CTU2: variants seen among roughly 807,000 people sequenced by gnomAD.
CTU2 encodes the protein cytosolic thiouridylase subunit 2, also known as cytoplasmic tRNA 2-thiolation protein 2.
A neutral mutation model predicts 64.1 loss-of-function variants in CTU2; 80 were observed. The ratio of observed to expected loss-of-function variants is 1.25; its 90% confidence interval spans 1.04 to 1.50. CTU2 has a LOEUF of 1.50. Ranked by LOEUF, CTU2 falls within the 40% of genes most tolerant of loss-of-function variation. The pLI, the probability that CTU2 is intolerant of heterozygous loss-of-function variation, is 0.00. For missense variants in CTU2, 1,110 were observed against 690.2 expected (o/e 1.61, Z -6.81); for synonymous variants, 482 against 285.3 (o/e 1.69, Z -6.95).
chr16:88,708,507 G>A (rs1047951146), intron 2 of CTU2, among the ~76,000 whole-genome samples: 22 of 152,110 alleles, frequency 1.4e-4, no homozygotes, highest in Admixed American at 1.0e-3. Flanking sequence ...CCCAGCACCT[G>A]TGTCTCCTTG....
rs866398047 is a variant in CTU2, at chr16:88,715,037, C to G, written c.1420-11C>G. 9.5e-6 allele frequency: 15 copies of G among 1,577,238 alleles called. No individual in the cohort carries two copies. Among genetic ancestry groups the G allele is most frequent in the Non-Finnish European group, 1.2e-5 (14 of 1,160,384 alleles). ...GGTTTCTTGGCCCCTCGACACCGGC[C>G]TCTGTTGCAGCCCTCACTGGACCCC... On this transcript the variant is annotated splice_polypyrimidine_tract_variant and intron_variant, in intron 13 of 14. Coordinates refer to ENST00000453996, the MANE Select transcript of CTU2 (RefSeq NM_001012759.3).
intron 2 of CTU2, among the ~76,000 whole-genome samples, chr16:88,707,453 G>A (rs937038856): frequency 6.6e-6 from 1 of 152,182 alleles, no homozygotes; most frequent in East Asian, 1.9e-4. Context: ...GAACTTATGG[G>A]GACAGTTGGA....
chr16:88,709,420 C>G (rs1911143238), intron 2 of CTU2: 1 of 154,412 alleles, frequency 6.5e-6, no homozygotes, highest in Non-Finnish European at 1.4e-5. Context: ...CTCTGGGGCC[C>G]CAGGATACTG....
At position 88,714,911 on chromosome 16, in the gene CTU2, G is replaced by T. The variant is rs757631298; in HGVS notation, c.1404G>T (p.Val468=). 1.2e-5 allele frequency: 19 copies of T among 1,612,642 alleles called. No individual in the cohort carries two copies. In the South Asian group the frequency reaches 2.0e-4, roughly 17 times the overall value. The change falls in exon 13 of 15, where the codon GTG becomes GTT. Residue 468 remains valine, a synonymous_variant. Transcript: ENST00000453996. Reference sequence around the variant, plus strand: ...AGCAGCTGTGCTACAGCTGCCGCGTGAACATGAAGGACTTGGTGAGTACGT... The same window carrying T: ...AGCAGCTGTGCTACAGCTGCCGCGTTAACATGAAGGACTTGGTGAGTACGT... The part of the protein sequence containing the change: ...IEEQLCYSCR[V]NMKDLPSLDP...
chr16:88,706,859 G>T (rs1050331013), intron 1 of CTU2: 17 of 559,158 alleles, frequency 3.0e-5, no homozygotes, highest in Non-Finnish European at 5.4e-5. Flanking sequence ...GAGAACTGGT[G>T]CCGTGAAGCT....
intron 4 of CTU2, among the ~76,000 whole-genome samples, chr16:88,711,285 T>C (rs1911298723): frequency 6.6e-6 from 1 of 152,104 alleles, no homozygotes. Flanking sequence ...TGAGAGCAAG[T>C]GCTTCCTTAG....
At chr16:88,712,185 C>G (rs752219105) in intron 5 of CTU2, 89 bp from the exon 6 acceptor site, 8 of 1,159,434 alleles carry the variant, frequency 6.9e-6, no homozygotes, top group South Asian at 1.3e-5. Flanking sequence ...AGCGAGGCCT[C>G]GAAGGGTTTT....
At chr16:88,709,545 G>T in intron 2 of CTU2, 1 of 178,582 alleles carries the variant, frequency 5.6e-6, no homozygotes, top group African/African-American at 2.4e-5. Context: ...CCAAGAGGTG[G>T]TGTCTGTATG....
At position 88,713,400 on chromosome 16, in the gene CTU2, A is replaced by T; in HGVS notation, c.826A>T (p.Met276Leu). Residue 276 changes from methionine (M) to leucine (L), a missense_variant, in exon 8 of 15, where the codon ATG (methionine) becomes TTG (leucine). By Grantham distance (15) the Met-to-Leu change is conservative. Transcript: ENST00000453996. ...CTGCACACGCTTGGCTATCAAGCTC[A>T]TGACCAACCTGGCGCTGGGTCGAGG... ...DSCTRLAIKL[M>L]TNLALGRGAF... is the part of the protein sequence containing the mutation. The T allele has an allele frequency of 6.2e-7, 1 of 1,602,184 alleles. No homozygotes were observed. Among genetic ancestry groups the T allele is most frequent in the Non-Finnish European group, 8.5e-7 (1 of 1,176,180 alleles).
At chr16:88,711,218 T>C (rs1911293104) in intron 4 of CTU2, among the ~76,000 whole-genome samples, 1 of 152,190 alleles carries the variant, frequency 6.6e-6, no homozygotes, top group South Asian at 2.1e-4. Flanking sequence ...ACGCTGGTGC[T>C]GCCCTTCCTG....
chr16:88,714,342 G>T lies in CTU2; in HGVS notation c.1098-41G>T, dbSNP rs369947041. The T allele has an allele frequency of 1.3e-5, 21 of 1,609,430 alleles. No homozygotes were observed. In the African/African-American group the frequency reaches 2.5e-4, roughly 19 times the overall value. ...GGCCAGGGCTTAGGGTGGAGCCCCAGCCCGTGTGATTCACCTGCTCCTCCC... is the reference window on the plus strand; with the variant it reads ...GGCCAGGGCTTAGGGTGGAGCCCCATCCCGTGTGATTCACCTGCTCCTCCC... On this transcript the variant is annotated intron_variant, in intron 10 of 14. Transcript: ENST00000453996.
At chr16:88,706,875 G>T (rs1910892775) in intron 1 of CTU2, 2 of 552,618 alleles carry the variant, frequency 3.6e-6, no homozygotes. Context: ...AAGCTGTCTC[G>T]CCTCCCCGTG....
Position 88,712,605 on chromosome 16 carries a change from C to A in CTU2, c.454-17C>A. The A allele has an allele frequency of 6.2e-7, 1 of 1,605,588 alleles. No individual in the cohort carries two copies. The highest frequency in any genetic ancestry group is 1.7e-5 in the Admixed American group (1 of 59,368). On this transcript the variant is annotated splice_polypyrimidine_tract_variant and intron_variant, in intron 6 of 14. Coordinates refer to ENST00000453996, the MANE Select transcript of CTU2 (RefSeq NM_001012759.3). Reference sequence around the variant, plus strand: ...CCCGTGTCCCGGGCCTCACTGGCGTCTCCCTCATCCCGGAAGGTGTTCAGC... The same window carrying A: ...CCCGTGTCCCGGGCCTCACTGGCGTATCCCTCATCCCGGAAGGTGTTCAGC...
At position 88,715,269 on chromosome 16, in the gene CTU2, C is replaced by T. The variant is rs539401866; in HGVS notation, c.*18C>T. The T allele has an allele frequency of 2.5e-6, 4 of 1,608,650 alleles. No individual in the cohort carries two copies. Among genetic ancestry groups the T allele is most frequent in the Middle Eastern group, 1.7e-4 (1 of 6,040 alleles). On this transcript the variant is annotated 3_prime_UTR_variant, in exon 15 of 15. Transcript: ENST00000453996. ...AGAGCTGAGCGTGAGGACGTGCTTGCCGGGACAGCAGGCAGTGGCCACCTG... is the reference window on the plus strand; with the variant it reads ...AGAGCTGAGCGTGAGGACGTGCTTGTCGGGACAGCAGGCAGTGGCCACCTG...
intron 9 of CTU2, 41 bp downstream of exon 9, chr16:88,713,819 C>T: frequency 1.2e-6 from 2 of 1,609,624 alleles, no homozygotes; most frequent in Non-Finnish European, 1.7e-6. Context: ...ACCATTGACA[C>T]CGGGGTGGGC....
At chr16:88,708,869 C>T (rs2142708804) in intron 2 of CTU2, 1 of 152,344 alleles carries the variant, frequency 6.6e-6, no homozygotes, top group East Asian at 1.9e-4. Context: ...GACTCCTAGG[C>T]CTCACCCCTA....
At chr16:88,706,713 C>A in intron 1 of CTU2, 115 bp downstream of exon 1, 1 of 720,146 alleles carries the variant, frequency 1.4e-6, no homozygotes, top group South Asian at 2.6e-5. Flanking sequence ...AGCGGGACCT[C>A]GCTCCCTAGC....
chr16:88,710,122 T>C lies in CTU2; in HGVS notation c.223-101T>C. The stretch of plus-strand genomic sequence containing the variant: ...CCTGCTGCAGCCCGCCAGCTCCTCC[T>C]TGGCCTTTGAGGACAGACTCGATGT... On this transcript the variant is annotated intron_variant, in intron 3 of 14. Coordinates refer to ENST00000453996, the MANE Select transcript of CTU2 (RefSeq NM_001012759.3). 1.9e-6 allele frequency: 3 copies of C among 1,579,000 alleles called. No individual in the cohort carries two copies. In the East Asian group the frequency reaches 6.7e-5, roughly 35 times the overall value.
chr16:88,713,569 C>A (rs1911556434), intron 8 of CTU2, 78 bp from the exon 9 acceptor site: 1 of 1,568,382 alleles, frequency 6.4e-7, no homozygotes, highest in South Asian at 1.2e-5. Flanking sequence ...GGGTCTGTGA[C>A]CTCCCCTACC....
Sources: gnomAD v4.1 joint callset for allele counts (sites outside exome capture counted in the v4.1 genomes callset) on GRCh38, gnomAD v4.1.1 for gene constraint, MANE v1.5 for transcripts, NCBI Gene and HGNC (gene_info 2026-07-23, HGNC 2026-07-21) for gene names.